Variants in RHBG observed in about 807,000 individuals in gnomAD.
The protein encoded by RHBG is ammonium transporter Rh type B.
A neutral mutation model predicts 40.1 loss-of-function variants in RHBG; 39 were observed. The ratio of observed to expected loss-of-function variants is 0.97; its 90% CI spans 0.75 to 1.27. The LOEUF (loss-of-function observed/expected upper bound fraction) is 1.27, where lower values mean the gene tolerates loss of function less well. RHBG is among the 50% of genes most tolerant of loss of function. The probability of loss-of-function intolerance (pLI) is 0.00; values close to 1 mark genes in which losing one functional copy is unlikely to be tolerated. For synonymous variants in RHBG, 237 were observed against 252.5 expected, an observed-to-expected ratio of 0.94 and a Z score of 0.58; for missense variants, 549 against 588.1, an observed-to-expected ratio of 0.93 and a Z score of 0.69.
chr1:156,379,974 G>A (rs1395076436), intron 4 of RHBG, among the ~76,000 whole-genome samples: 2 of 152,124 alleles, frequency 1.3e-5, no homozygotes, highest in African/African-American at 2.4e-5. Context: ...GCAAACAGAG[G>A]CCTCTCCCAA....
chr1:156,382,748 C>T lies in RHBG; in HGVS notation c.1113C>T (p.Gly371=). ...TTTCCTCTATCTGGTCTCCCTGCAG[C>T]CTGGAGAGTGTGTTTCCACTCATAG... ...GLATHEAYGD[G]LESVFPLIAE... Residue 371 remains glycine (G), a splice_region_variant and synonymous_variant, in exon 8 of 10, where the codon GGC becomes GGT. Coordinates refer to ENST00000537040, the MANE Select transcript of RHBG (RefSeq NM_020407.5). 1 of 1,614,154 alleles carries T rather than the reference C, an allele frequency of 6.2e-7. No individual in the cohort carries two copies. The highest frequency in any genetic ancestry group is 1.3e-5 in the African/African-American group (1 of 75,068).
chr1:156,370,138 C>A (rs1222221234), intron 1 of RHBG, among the ~76,000 whole-genome samples: 1 of 152,022 alleles, frequency 6.6e-6, no homozygotes, highest in Non-Finnish European at 1.5e-5. Context: ...CATGGTGAAA[C>A]CCCATCTTTA....
At chr1:156,379,471 A>G (rs1257178278) in intron 4 of RHBG, among the ~76,000 whole-genome samples, 2 of 152,184 alleles carry the variant, frequency 1.3e-5, no homozygotes, top group Non-Finnish European at 2.9e-5. Flanking sequence ...ATTGCTCAGC[A>G]CTGCTGGGTC....
chr1:156,376,446 G>A (rs750806897), intron 1 of RHBG, among the ~76,000 whole-genome samples: 11 of 150,770 alleles, frequency 7.3e-5, no homozygotes, highest in Non-Finnish European at 1.5e-4. Context: ...TTACTGCAGC[G>A]TCTGCCTCCT....
chr1:156,383,978 C>A (rs997077034), intron 8 of RHBG, among the ~76,000 whole-genome samples: 3 of 151,788 alleles, frequency 2.0e-5, no homozygotes, highest in South Asian at 4.2e-4. Context: ...GGATTACAGG[C>A]GACCCCCACC....
At chr1:156,378,186 G>T in intron 3 of RHBG, 46 bp downstream of exon 3, 12 of 1,598,766 alleles carry the variant, frequency 7.5e-6, no homozygotes, top group Non-Finnish European at 1.0e-5. Context: ...GGGTGGTCAA[G>T]GTCAGCCTCT....
In RHBG at chr1:156,381,467, C is replaced by T. The variant is rs544392156; in HGVS notation, c.794C>T (p.Thr265Ile). 2.7e-5 allele frequency: 43 copies of T among 1,613,738 alleles called. No homozygotes were observed. The South Asian group carries it at 4.6e-4, about 17-fold the overall frequency. The change falls in exon 5 of 10, where the codon ACC (threonine) becomes ATC (isoleucine). Residue 265 changes from threonine (T) to isoleucine (I), a missense_variant. Around this residue, in one of 3 missense-constraint regions of RHBG, gnomAD observed 399 missense variants for 417.0 expected, o/e 0.96. Coordinates refer to ENST00000537040, the MANE Select transcript of RHBG (RefSeq NM_020407.5). ...YYSLAASTLGTFALSALVGED... is the reference protein window; with the variant it reads ...YYSLAASTLGIFALSALVGED... ...TCCCTGGCTGCCAGCACCCTTGGCA[C>T]CTTTGCCTTGTCAGCCCTTGTAGGG...
At chr1:156,370,614 CAAAAAAAAAAA>C (rs59248542) in intron 1 of RHBG, among the ~76,000 whole-genome samples, 5 of 66,066 alleles carry the variant, frequency 7.6e-5, no homozygotes, top group African/African-American at 1.2e-4. Flanking sequence ...GACTCTGTCT[CAAAAAAAAAAA>C]AAAAAAAAAA....
chr1:156,384,144 T>A (rs1667875528), intron 8 of RHBG, among the ~76,000 whole-genome samples: 2 of 152,218 alleles, frequency 1.3e-5, no homozygotes, highest in African/African-American at 4.8e-5. Context: ...ACAATAAGCA[T>A]TTCCTGTGCC....
At chr1:156,379,372 A>G (rs1667458483) in intron 4 of RHBG, among the ~76,000 whole-genome samples, 1 of 152,138 alleles carries the variant, frequency 6.6e-6, no homozygotes, top group African/African-American at 2.4e-5. Context: ...ACAGAAGGCA[A>G]ATCTGTATTT....
Position 156,377,348 on chromosome 1 carries a change from A to ATGGTCTTCCTGC in RHBG, c.236_247dup (p.Leu82_Gln83insLeuValPheLeu). On this transcript the variant is annotated inframe_insertion, in exon 2 of 10. Coordinates refer to ENST00000537040, the MANE Select transcript of RHBG (RefSeq NM_020407.5). This position sits in a 1 kb window ranked among gnomAD's most constrained non-coding sequence, Gnocchi z 4.6. The stretch of plus-strand genomic sequence containing the variant: ...GGTCTTCGTGGGCTTTGGCTTCCTC[A>ATGGTCTTCCTGC]TGGTCTTCCTGCAGCGTTACGGCTT... 1 of 1,614,060 alleles carries ATGGTCTTCCTGC rather than the reference A, an allele frequency of 6.2e-7. No homozygotes were observed. Among genetic ancestry groups the ATGGTCTTCCTGC allele is most frequent in the Non-Finnish European group, 8.5e-7 (1 of 1,179,946 alleles).
intron 7 of RHBG, 86 bp downstream of exon 7, chr1:156,382,287 AAAG>A (rs1300983826): frequency 3.8e-6 from 6 of 1,590,046 alleles, no homozygotes; most frequent in Non-Finnish European, 5.2e-6. Flanking sequence ...GACCAAGAAA[AAAG>A]AATGAATTCA....
chr1:156,375,719 G>C (rs11587027), intron 1 of RHBG, among the ~76,000 whole-genome samples: 35,482 of 151,676 alleles, frequency 0.23, 4,313 homozygotes, highest in East Asian at 0.34. Context: ...ACAAAATAAA[G>C]GGGAGCATAA....
At chr1:156,371,930 C>T (rs183603302) in intron 1 of RHBG, 1 of 152,254 alleles carries the variant, frequency 6.6e-6, no homozygotes, top group Admixed American at 6.5e-5. Flanking sequence ...CTTTTTCTGC[C>T]CTAGGTTTCC....
intron 1 of RHBG, among the ~76,000 whole-genome samples, chr1:156,370,818 G>C (rs1484654082): frequency 1.3e-5 from 2 of 151,818 alleles, no homozygotes; most frequent in Non-Finnish European, 2.9e-5. Flanking sequence ...TAGAACTCAG[G>C]CATCCTAAAC....
At chr1:156,370,517 C>T (rs1360287904) in intron 1 of RHBG, among the ~76,000 whole-genome samples, 1 of 139,342 alleles carries the variant, frequency 7.2e-6, no homozygotes, top group Non-Finnish European at 1.5e-5. Flanking sequence ...GAGGCTGAGG[C>T]AGGAGAATTG....
rs1263987631 is a variant in RHBG at position 156,377,853 on chromosome 1, G to C, written c.375-137G>C. On this transcript the variant is annotated intron_variant, in intron 2 of 9. Transcript: ENST00000537040. The surrounding 1 kb of genome is among the most constrained non-coding windows in gnomAD (Gnocchi z 4.6). ...CCCTTCCAACTCCAGGGAGGAGCTT[G>C]AGCTCCTTGTCTTCTCTCCAGAACT... The C allele has an allele frequency of 2.3e-6, 2 of 887,608 alleles. No homozygotes were observed. The highest frequency in any genetic ancestry group is 3.3e-6 in the Non-Finnish European group (2 of 600,228). 55.0% of individuals were successfully genotyped at this position (887,608 alleles called of 1,614,324 possible). A position where few individuals can be genotyped will look rare whatever the true frequency, so the allele number is the denominator to read the frequency against.
Position 156,384,812 on chromosome 1 carries a change from T to G in RHBG, c.1344T>G (p.Pro448=). Residue 448 remains proline, a synonymous_variant, in exon 10 of 10, where the codon CCT becomes CCG. Coordinates refer to ENST00000537040, the MANE Select transcript of RHBG (RefSeq NM_020407.5). ...AGCATGAGGATAAAGCCCAGAGACC[T>G]CTGAGGGTGGAGGAGGCAGACACTC... is the stretch of plus-strand genomic sequence containing the variant. The part of the protein sequence containing the change: ...PGEHEDKAQR[P]LRVEEADTQA 1 of 1,613,840 alleles carries G rather than the reference T, an allele frequency of 6.2e-7. No homozygotes were observed. Among genetic ancestry groups the G allele is most frequent in the Non-Finnish European group, 8.5e-7 (1 of 1,179,872 alleles).
In RHBG at chr1:156,377,296, T is replaced by A. The variant is rs750535327; in HGVS notation, c.188-5T>A. On this transcript the variant is annotated splice_region_variant and splice_polypyrimidine_tract_variant and intron_variant, in intron 1 of 9. Coordinates refer to ENST00000537040, the MANE Select transcript of RHBG (RefSeq NM_020407.5). The surrounding 1 kb of genome is among the most constrained non-coding windows in gnomAD (Gnocchi z 4.6). ...AAGTGCCCCGCCTGTCCCTGCCCGC[T>A]GCAGGCTTCCAGGACGTGCATGCCA... is the stretch of plus-strand genomic sequence containing the variant. The A allele has an allele frequency of 6.2e-7, 1 of 1,612,870 alleles. No individual in the cohort carries two copies. Among genetic ancestry groups the A allele is most frequent in the African/African-American group, 1.3e-5 (1 of 75,062 alleles).
Sources: allele counts gnomAD v4.1 joint callset (sites outside exome capture counted in the v4.1 genomes callset), GRCh38; gene constraint gnomAD v4.1.1; regional missense constraint gnomAD v4.1.1; non-coding constraint Gnocchi (gnomAD v3.1); transcripts MANE v1.5; gene names NCBI Gene and HGNC (gene_info 2026-07-23, HGNC 2026-07-21).